The following ACCSL variants were observed in gnomAD, a reference collection of about 807,000 sequenced individuals.
ACCSL encodes the protein probable inactive 1-aminocyclopropane-1-carboxylate synthase-like protein 2.
Under a neutral mutation model 61.7 loss-of-function variants are expected in ACCSL, and 55 were observed. The ratio of observed to expected loss-of-function variants is 0.89; its 90% confidence interval spans 0.72 to 1.12. The LOEUF is 1.12. Among genes scored for constraint, ACCSL ranks in the 50% most tolerant of loss-of-function variants. ACCSL has a pLI of 0.00. For missense variants in ACCSL, 632 were observed against 698.0 expected (o/e 0.91, Z 1.07); for synonymous variants, 258 against 264.3 (o/e 0.98, Z 0.23).
chr11:44,036,178 C>T, the ACCSL span, among the ~76,000 whole-genome samples: 7 of 152,288 alleles, frequency 4.6e-5, no homozygotes, highest in South Asian at 1.4e-3. Context: ...ATTAGGACCC[C>T]GACATGGTGA....
chr11:43,925,489 G>C, the ACCSL span: 1 of 455,668 alleles, frequency 2.2e-6, no homozygotes, highest in Non-Finnish European at 4.4e-6. Flanking sequence ...TCGTCCTCCT[G>C]AATCTAGTGC....
chr11:44,001,443 A>C, the ACCSL span, among the ~76,000 whole-genome samples: 1 of 152,042 alleles, frequency 6.6e-6, no homozygotes, highest in African/African-American at 2.4e-5. Flanking sequence ...TTTGAAAAAA[A>C]ATGAGGGCAG....
At chr11:43,979,256 C>T in the ACCSL span, among the ~76,000 whole-genome samples, 17 of 152,106 alleles carry the variant, frequency 1.1e-4, no homozygotes, top group Admixed American at 6.5e-5. Flanking sequence ...TGCTTGAGCC[C>T]AGGAGGTCAA....
chr11:44,037,411 T>C, the ACCSL span, among the ~76,000 whole-genome samples: 135 of 152,312 alleles, frequency 8.9e-4, no homozygotes, highest in Middle Eastern at 3.4e-3. Context: ...CTCCCAGCCT[T>C]TCTGAGGTCA....
chr11:44,031,708 G>A, the ACCSL span, among the ~76,000 whole-genome samples: 2 of 152,170 alleles, frequency 1.3e-5, no homozygotes, highest in African/African-American at 4.8e-5. Flanking sequence ...CTGATGGGGA[G>A]TCTTTGAGCC....
chr11:43,949,857 A>AC, the ACCSL span, among the ~76,000 whole-genome samples: 1 of 151,712 alleles, frequency 6.6e-6, no homozygotes, highest in Admixed American at 6.6e-5. Flanking sequence ...AACAACAACA[A>AC]AACATACTTA....
At chr11:43,973,889 A>G in the ACCSL span, 1 of 152,162 alleles carries the variant, frequency 6.6e-6, no homozygotes, top group Non-Finnish European at 1.5e-5. Context: ...TCCTGTGGAT[A>G]TATAAGATCA....
chr11:44,057,510 G>A (rs1481313520), intron 11 of ACCSL, among the ~76,000 whole-genome samples: 2 of 152,218 alleles, frequency 1.3e-5, no homozygotes, highest in African/African-American at 2.4e-5. Flanking sequence ...ATACTGACGT[G>A]TGTTCCATCT....
At chr11:43,951,422 G>A in the ACCSL span, among the ~76,000 whole-genome samples, 1 of 152,172 alleles carries the variant, frequency 6.6e-6, no homozygotes, top group Admixed American at 6.5e-5. Flanking sequence ...GAATTAAAAT[G>A]GGCCAGCTGG....
chr11:43,974,960 A>G, the ACCSL span, among the ~76,000 whole-genome samples: 1 of 152,166 alleles, frequency 6.6e-6, no homozygotes, highest in Non-Finnish European at 1.5e-5. Flanking sequence ...TTAAGACACT[A>G]ATTTTGGTGT....
At chr11:43,976,965 G>A in the ACCSL span, among the ~76,000 whole-genome samples, 3 of 152,146 alleles carry the variant, frequency 2.0e-5, no homozygotes, top group Non-Finnish European at 4.4e-5. Context: ...GTAAATAATC[G>A]GTGGGCCAGA....
the ACCSL span, among the ~76,000 whole-genome samples, chr11:44,000,007 G>A: frequency 3.9e-4 from 59 of 152,294 alleles, no homozygotes; most frequent in African/African-American, 1.0e-3. Context: ...GGCCAAGCAC[G>A]GTGTATCATG....
At chr11:43,995,009 T>C in the ACCSL span, 1 of 152,214 alleles carries the variant, frequency 6.6e-6, no homozygotes, top group Non-Finnish European at 1.5e-5. Context: ...CTTTACACTC[T>C]ATAGGGTGGA....
the ACCSL span, among the ~76,000 whole-genome samples, chr11:43,956,086 T>A: frequency 7.3e-6 from 1 of 137,030 alleles, no homozygotes. Context: ...GAAAGAAGAT[T>A]TATAGAAAAA....
At chr11:44,053,659 C>T (rs1362635508) in intron 8 of ACCSL, among the ~76,000 whole-genome samples, 153 bp downstream of exon 8, 1 of 152,070 alleles carries the variant, frequency 6.6e-6, no homozygotes, top group South Asian at 2.1e-4. Flanking sequence ...GTCAGGAGTT[C>T]GAGACCAGCA....
upstream of ACCSL, among the ~76,000 whole-genome samples, chr11:44,047,673 T>C (rs1398644353): frequency 6.6e-6 from 1 of 152,186 alleles, no homozygotes; most frequent in Non-Finnish European, 1.5e-5. Context: ...AAACCCTTTT[T>C]TCCTATTTAA....
Position 44,058,425 on chromosome 11 carries a change from G to T in ACCSL, c.1436G>T (p.Ser479Ile), listed in dbSNP as rs554546634. 6.2e-7 allele frequency: 1 copy of T among 1,614,136 alleles called. No individual in the cohort carries two copies. Among genetic ancestry groups the T allele is most frequent in the South Asian group, 1.1e-5 (1 of 91,076 alleles). Residue 479 changes from serine to isoleucine, a missense_variant, in exon 12 of 14, where the codon AGC (serine) becomes ATC (isoleucine). Coordinates refer to ENST00000378832, the MANE Select transcript of ACCSL (RefSeq NM_001031854.2). ...TTGGAGATCCCTTTTCACAACCGCA[G>T]CTCTGGCCTCTATGTCTGGATCAAC... ...KALEIPFHNR[S>I]SGLYVWINLK...
the ACCSL span, among the ~76,000 whole-genome samples, chr11:43,958,084 G>C: frequency 6.6e-6 from 1 of 152,142 alleles, no homozygotes; most frequent in East Asian, 1.9e-4. Flanking sequence ...TTATATAATA[G>C]CCCTTCCCAA....
At chr11:44,053,275 A>G (rs1952650966) in intron 7 of ACCSL, 131 bp from the exon 8 acceptor site, 5 of 893,524 alleles carry the variant, frequency 5.6e-6, no homozygotes, top group Non-Finnish European at 6.9e-6. Flanking sequence ...CTCTTTGGGC[A>G]GTATAGTAGT....
Sources: allele counts gnomAD v4.1 joint callset (sites outside exome capture counted in the v4.1 genomes callset), GRCh38; gene constraint gnomAD v4.1.1; transcripts MANE v1.5; gene names NCBI Gene and HGNC (gene_info 2026-07-23, HGNC 2026-07-21).